The following DAP3 variants were observed in gnomAD, a reference collection of about 807,000 sequenced individuals.
The protein encoded by DAP3 is death associated protein 3.
In DAP3, 28 loss-of-function variants were observed where a neutral mutation model predicts 51.9. The observed-to-expected ratio is 0.54, with a 90% CI of 0.40 to 0.74. DAP3 has a LOEUF of 0.74. Ranked by LOEUF, DAP3 falls within the 30% of genes least tolerant of loss-of-function variation. The pLI, the probability that DAP3 is intolerant of heterozygous loss-of-function variation, is 0.00. For missense variants in DAP3, 458 were observed against 483.5 expected, an observed-to-expected ratio of 0.95 and a Z score of 0.49; for synonymous variants, 170 against 170.3, an observed-to-expected ratio of 1.00 and a Z score of 0.01.
chr1:155,731,264 C>CAA (rs111619259), intron 9 of DAP3, 92 bp from the exon 10 acceptor site: 6,017 of 1,092,460 alleles, frequency 5.5e-3, no homozygotes, highest in Non-Finnish European at 6.1e-3. Context: ...GAGACTCTGT[C>CAA]AAAAAAAAAA....
intron 11 of DAP3, among the ~76,000 whole-genome samples, chr1:155,735,508 C>T (rs148742551): frequency 1.2e-3 from 181 of 151,340 alleles, no homozygotes; most frequent in African/African-American, 4.2e-3. Flanking sequence ...ACCCAGGAGG[C>T]AGAGGTTGCA....
At chr1:155,724,714 T>C (rs998559599) in intron 4 of DAP3, among the ~76,000 whole-genome samples, 1 of 151,896 alleles carries the variant, frequency 6.6e-6, no homozygotes, top group South Asian at 2.1e-4. Flanking sequence ...CCCTGCACTT[T>C]GGGAGGCCAA....
chr1:155,729,103 T>G lies in DAP3; in HGVS notation c.665T>G (p.Leu222Arg), dbSNP rs1658925560. 1.2e-6 allele frequency: 2 copies of G among 1,614,162 alleles called. No individual in the cohort carries two copies. Among genetic ancestry groups the G allele is most frequent in the Non-Finnish European group, 1.7e-6 (2 of 1,180,032 alleles). The change falls in exon 8 of 13, where the codon CTG becomes CGG. Residue 222 changes from leucine (L) to arginine (R), a missense_variant. By Grantham distance (102) the Leu-to-Arg change is moderately radical. Transcript: ENST00000368336. ...KRESTEKGSP[L>R]GEVVEQGITR... ...GAAAGCACTGAGAAAGGGAGTCCTC[T>G]GGGAGAAGTGGTTGAACAGGTATAA... is the stretch of plus-strand genomic sequence containing the variant.
chr1:155,727,652 T>G lies in DAP3; in HGVS notation c.517T>G (p.Tyr173Asp). The change falls in exon 7 of 13, where the codon TAC (tyrosine) becomes GAC (aspartate). Residue 173 changes from tyrosine to aspartate, a missense_variant. Tyr to Asp is a radical substitution (Grantham distance 160). Transcript: ENST00000368336. The stretch of plus-strand genomic sequence containing the variant: ...TTGTCGGGATCTTCTGCAGTCCAGC[T>G]ACAACAAACAGCGCTTTGATCAACC... Reference protein sequence around the residue: ...KNCRDLLQSSYNKQRFDQPLE... With the variant: ...KNCRDLLQSSDNKQRFDQPLE... 5 of 1,613,820 alleles carry G rather than the reference T, an allele frequency of 3.1e-6. No homozygotes were observed. The highest frequency in any genetic ancestry group is 4.2e-6 in the Non-Finnish European group (5 of 1,179,868).
At chr1:155,721,448 A>G (rs1658007134) in intron 3 of DAP3, 69 bp from the exon 4 acceptor site, 6 of 1,339,122 alleles carry the variant, frequency 4.5e-6, no homozygotes, top group Non-Finnish European at 5.3e-6. Flanking sequence ...ACACACACAT[A>G]GATAAGACAA....
chr1:155,716,423 A>G (rs550328775), intron 2 of DAP3, among the ~76,000 whole-genome samples: 3 of 152,060 alleles, frequency 2.0e-5, no homozygotes, highest in South Asian at 2.1e-4. Context: ...AATACAAAAA[A>G]TTAGCCAGGC....
At chr1:155,712,467 C>T (rs1280591503) in intron 2 of DAP3, among the ~76,000 whole-genome samples, 1 of 152,082 alleles carries the variant, frequency 6.6e-6, no homozygotes, top group Non-Finnish European at 1.5e-5. Context: ...ACAAAATTAG[C>T]CAGGCGCGGT....
upstream of DAP3, chr1:155,688,799 A>G: frequency 1.9e-6 from 3 of 1,549,636 alleles, no homozygotes; most frequent in Non-Finnish European, 2.6e-6. Context: ...CGCCTCCCAC[A>G]GTCCCCACCG....
Position 155,709,674 on chromosome 1 carries a change from AG to A in DAP3, c.-7-98del, listed in dbSNP as rs1656449581. 4 of 922,142 alleles carry A rather than the reference AG, an allele frequency of 4.3e-6. No individual in the cohort carries two copies. In the South Asian group the frequency reaches 8.1e-5, roughly 19 times the overall value. The allele number at this position is 922,142 out of a possible 1,614,324, so 57.1% of individuals were successfully genotyped here. ...CTTTATATATTCTAGATATTAATAT[AG>A]ATTATTAATCCCTATTAATCTATTG... On this transcript the variant is annotated intron_variant, in intron 1 of 12. Transcript: ENST00000368336.
At chr1:155,688,504 G>A (rs1239733660), upstream of DAP3, 1 of 1,547,934 alleles carries the variant, frequency 6.5e-7, no homozygotes, top group Non-Finnish European at 8.7e-7. Flanking sequence ...GAGTGTCTAC[G>A]GGCTCGTCGC....
intron 5 of DAP3, 55 bp from the exon 6 acceptor site, chr1:155,725,872 G>C: frequency 6.5e-7 from 1 of 1,543,096 alleles, no homozygotes; most frequent in Non-Finnish European, 8.9e-7. Flanking sequence ...CATAACTACT[G>C]TTCACATACA....
chr1:155,714,277 G>A (rs1241085429), intron 2 of DAP3, among the ~76,000 whole-genome samples: 2 of 152,042 alleles, frequency 1.3e-5, no homozygotes, highest in Non-Finnish European at 2.9e-5. Flanking sequence ...TGCTTCCCTG[G>A]CTGATGTGGA....
At position 155,731,925 on chromosome 1, in the gene DAP3, C is replaced by T; in HGVS notation, c.904-19C>T. ...CCTTTTTAACTTTTTCCAGTTCAGC[C>T]TTTTCTCTTTTCTTTCAGCATGGAG... On this transcript the variant is annotated intron_variant, in intron 10 of 12. Transcript: ENST00000368336. 6.3e-7 allele frequency: 1 copy of T among 1,588,406 alleles called. No individual in the cohort carries two copies. The highest frequency in any genetic ancestry group is 8.5e-7 in the Non-Finnish European group (1 of 1,170,384).
chr1:155,721,888 C>CTTT (rs1056171535), intron 4 of DAP3: 51 of 513,684 alleles, frequency 9.9e-5, no homozygotes, highest in Non-Finnish European at 1.5e-4. Flanking sequence ...TTTGCCTTGG[C>CTTT]AAAATATCAT....
chr1:155,714,568 C>T lies in DAP3; in HGVS notation c.46-2438C>T, dbSNP rs1657104605. Among the ~76,000 whole-genome samples the T allele has an allele frequency of 2.6e-5, 4 of 151,820 alleles. No individual in the cohort carries two copies. In the South Asian group the frequency reaches 8.3e-4, roughly 31 times the overall value. The stretch of plus-strand genomic sequence containing the variant: ...TCACCTGAGGTCAGGAGTTCCAGAC[C>T]AGCATGACCAACATGGTGAAACCCA... On this transcript the variant is annotated intron_variant, in intron 2 of 12. Coordinates refer to ENST00000368336, the MANE Select transcript of DAP3 (RefSeq NM_004632.4).
At chr1:155,704,928 G>A (rs1655755131) in intron 1 of DAP3, among the ~76,000 whole-genome samples, 1 of 151,946 alleles carries the variant, frequency 6.6e-6, no homozygotes, top group African/African-American at 2.4e-5. Context: ...GCAGTGAGCC[G>A]AGATCATGCC....
chr1:155,708,534 GTTT>G (rs1243254745), intron 1 of DAP3, among the ~76,000 whole-genome samples: 1 of 126,410 alleles, frequency 7.9e-6, no homozygotes, highest in Non-Finnish European at 1.7e-5. Context: ...TTCTTTTTCT[GTTT>G]TTGTTTTTTT....
chr1:155,700,422 G>A (rs1217519794), intron 1 of DAP3, among the ~76,000 whole-genome samples: 1 of 152,158 alleles, frequency 6.6e-6, no homozygotes, highest in African/African-American at 2.4e-5. Flanking sequence ...TTTTTTGCTT[G>A]TGCTTTTGAT....
chr1:155,689,084 C>G, upstream of DAP3: 4 of 1,461,396 alleles, frequency 2.7e-6, no homozygotes, highest in South Asian at 2.4e-5. Flanking sequence ...TGACCCGACC[C>G]TTTTTTGCAG....
Sources: allele counts gnomAD v4.1 joint callset (sites outside exome capture counted in the v4.1 genomes callset), GRCh38; gene constraint gnomAD v4.1.1; transcripts MANE v1.5; gene names NCBI Gene and HGNC (gene_info 2026-07-23, HGNC 2026-07-21).